POU6F2: variants seen among roughly 807,000 people sequenced by gnomAD.
POU6F2 encodes the protein POU domain, class 6, transcription factor 2.
A neutral mutation model predicts 71.3 loss-of-function variants in POU6F2; 31 were observed. The observed-to-expected ratio is 0.43, with a 90% CI of 0.33 to 0.59. POU6F2 has a LOEUF of 0.59. POU6F2 is among the 20% of genes least tolerant of loss of function. POU6F2 has a pLI of 0.04. For missense variants in POU6F2, 783 were observed against 856.8 expected (o/e 0.91, Z 1.07); for synonymous variants, 347 against 355.7 (o/e 0.98, Z 0.27).
chr7:39,068,834 TA>T (rs1394688138), intron 1 of POU6F2, among the ~76,000 whole-genome samples: 1 of 152,182 alleles, frequency 6.6e-6, no homozygotes, highest in East Asian at 1.9e-4. Flanking sequence ...ATCTTTAGGA[TA>T]GGGGTTCCCA....
At chr7:39,115,357 A>G (rs530501390) in intron 2 of POU6F2, among the ~76,000 whole-genome samples, 19 of 152,226 alleles carry the variant, frequency 1.2e-4, no homozygotes, top group Non-Finnish European at 2.4e-4. Flanking sequence ...TATTTATTTT[A>G]GGTACCTTCT....
intron 6 of POU6F2, among the ~76,000 whole-genome samples, chr7:39,416,090 GCATA>G (rs1363296903): frequency 8.6e-5 from 6 of 69,968 alleles, no homozygotes; most frequent in African/African-American, 2.9e-4. Flanking sequence ...TCTCTCGAAG[GCATA>G]CACACACACA....
At chr7:39,149,182 C>A (rs1792688777) in intron 2 of POU6F2, among the ~76,000 whole-genome samples, 1 of 152,248 alleles carries the variant, frequency 6.6e-6, no homozygotes, top group East Asian at 1.9e-4. Context: ...CTGTCTCCCT[C>A]GGTACCTCAG....
At chr7:39,160,488 T>C (rs1460296116) in intron 2 of POU6F2, among the ~76,000 whole-genome samples, 1 of 152,156 alleles carries the variant, frequency 6.6e-6, no homozygotes, top group East Asian at 1.9e-4. Context: ...CACTCATCTA[T>C]GACAAACACC....
At chr7:39,260,286 ACT>A (rs1327380424) in intron 4 of POU6F2, among the ~76,000 whole-genome samples, 2 of 145,368 alleles carry the variant, frequency 1.4e-5, no homozygotes, top group African/African-American at 5.2e-5. Context: ...CACCACACAC[ACT>A]CTCCATACCA....
intron 2 of POU6F2, among the ~76,000 whole-genome samples, chr7:39,187,788 G>A (rs1215912904): frequency 1.1e-4 from 16 of 152,156 alleles, no homozygotes; most frequent in Admixed American, 2.6e-4. Flanking sequence ...ACGCTGTTTC[G>A]GAACACCGGA....
intron 1 of POU6F2, among the ~76,000 whole-genome samples, chr7:39,036,361 A>G (rs1364699932): frequency 6.6e-6 from 1 of 152,200 alleles, no homozygotes; most frequent in Non-Finnish European, 1.5e-5. Flanking sequence ...TCCATTGGGT[A>G]GCACCTTCAA....
At chr7:39,145,513 T>C (rs1423562684) in intron 2 of POU6F2, among the ~76,000 whole-genome samples, 1 of 152,236 alleles carries the variant, frequency 6.6e-6, no homozygotes, top group Non-Finnish European at 1.5e-5. Flanking sequence ...GTAACCTTCT[T>C]ACTTCTAACC....
In POU6F2 at chr7:39,272,081, T is replaced by C. The variant is rs185639058; in HGVS notation, c.598+64461T>C. On this transcript the variant is annotated intron_variant, in intron 4 of 9. Transcript: ENST00000518318. ...TTTAGATGGTAGATTTGGAGATAAA[T>C]TTAAATATTATGATTGCTACAGAGA... Among the ~76,000 whole-genome samples, 403 of 152,194 alleles carry C rather than the reference T, an allele frequency of 2.6e-3. 2 individuals carry two copies. The highest frequency in any genetic ancestry group is 9.2e-3 in the African/African-American group (380 of 41,516).
chr7:39,340,056 A>G (rs1360116125), intron 5 of POU6F2, 41 bp downstream of exon 5: 1 of 1,551,790 alleles, frequency 6.4e-7, no homozygotes, highest in East Asian at 2.3e-5. Flanking sequence ...AGGAGCACCA[A>G]GGACCTTTCC....
intron 2 of POU6F2, among the ~76,000 whole-genome samples, chr7:39,194,673 TC>T (rs35959488): frequency 0.29 from 43,883 of 152,074 alleles, 6,784 homozygotes; most frequent in East Asian, 0.71. Flanking sequence ...GGTAACCCAC[TC>T]CGGTCCCCTT....
chr7:39,462,190 C>A (rs1171698241), intron 9 of POU6F2, among the ~76,000 whole-genome samples: 2 of 152,124 alleles, frequency 1.3e-5, no homozygotes, highest in African/African-American at 4.8e-5. Flanking sequence ...AAGTCTACCC[C>A]CAGAGAGAGG....
chr7:39,247,569 T>C (rs1433868655), intron 4 of POU6F2, among the ~76,000 whole-genome samples: 2 of 152,162 alleles, frequency 1.3e-5, no homozygotes, highest in African/African-American at 4.8e-5. Context: ...ATATGGCTAA[T>C]AAATGACAGA....
chr7:39,393,226 A>G (rs1787109179), intron 5 of POU6F2, among the ~76,000 whole-genome samples: 1 of 152,116 alleles, frequency 6.6e-6, no homozygotes, highest in African/African-American at 2.4e-5. Context: ...CATTCTAGTC[A>G]TGTTTTCTGC....
chr7:39,033,083 C>T (rs886495054), intron 1 of POU6F2, among the ~76,000 whole-genome samples: 1 of 152,214 alleles, frequency 6.6e-6, no homozygotes, highest in South Asian at 2.1e-4. Flanking sequence ...AAGAAACTTT[C>T]CTTCAAGGAC....
chr7:39,275,906 A>T (rs1374102844), intron 4 of POU6F2, among the ~76,000 whole-genome samples: 5 of 151,936 alleles, frequency 3.3e-5, no homozygotes. Context: ...TTAATTCAAG[A>T]TGGATTAAAG....
At chr7:39,308,348 A>G (rs1256612918) in intron 4 of POU6F2, among the ~76,000 whole-genome samples, 2 of 152,186 alleles carry the variant, frequency 1.3e-5, no homozygotes, top group South Asian at 2.1e-4. Context: ...ACCTGCAGTT[A>G]AATATCTCAG....
intron 1 of POU6F2, among the ~76,000 whole-genome samples, chr7:39,073,297 A>G (rs938659192): frequency 2.6e-5 from 4 of 151,556 alleles, no homozygotes; most frequent in Admixed American, 1.3e-4. Flanking sequence ...CTCTGTTTAT[A>G]GTTTGAATTG....
chr7:39,434,524 G>A (rs77814135), intron 7 of POU6F2, among the ~76,000 whole-genome samples: 54 of 151,984 alleles, frequency 3.6e-4, no homozygotes, highest in African/African-American at 1.1e-3. Context: ...TAGTTGTGAT[G>A]ATAGTGATGA....
Sources: allele counts gnomAD v4.1 joint callset (sites outside exome capture counted in the v4.1 genomes callset), GRCh38; gene constraint gnomAD v4.1.1; transcripts MANE v1.5; gene names NCBI Gene and HGNC (gene_info 2026-07-23, HGNC 2026-07-21).